ROBO1: variants seen among roughly 807,000 people sequenced by gnomAD.
ROBO1 encodes roundabout guidance receptor 1.
Under a neutral mutation model 195.9 loss-of-function variants are expected in ROBO1, and 149 were observed. That is an observed-to-expected ratio of 0.76 (90% CI 0.67 to 0.87). The LOEUF (loss-of-function observed/expected upper bound fraction) is 0.87, where lower values mean the gene tolerates loss of function less well. Ranked by LOEUF, ROBO1 falls within the 40% of genes least tolerant of loss-of-function variation. The pLI, the probability that ROBO1 is intolerant of heterozygous loss-of-function variation, is 0.00. For synonymous variants in ROBO1, 816 were observed against 733.2 expected, an observed-to-expected ratio of 1.11 and a Z score of -1.82; for missense variants, 1,933 against 2,068.3, an observed-to-expected ratio of 0.93 and a Z score of 1.27.
At chr3:79,586,129 T>C (rs1290140904) in intron 2 of ROBO1, among the ~76,000 whole-genome samples, 1 of 151,998 alleles carries the variant, frequency 6.6e-6, no homozygotes, top group South Asian at 2.1e-4. Context: ...AAGGAGATTT[T>C]TTAAAATCTG....
intron 4 of ROBO1, among the ~76,000 whole-genome samples, chr3:78,782,467 G>T (rs146995271): frequency 4.4e-4 from 67 of 152,244 alleles, no homozygotes; most frequent in African/African-American, 1.6e-3. Flanking sequence ...GAAGTGCTGG[G>T]ATTACAGGCA....
chr3:78,626,886 A>G (rs1001724007), intron 26 of ROBO1, among the ~76,000 whole-genome samples: 1 of 152,184 alleles, frequency 6.6e-6, no homozygotes, highest in African/African-American at 2.4e-5. Context: ...CTGTGACATT[A>G]TAGTTATGAG....
chr3:79,055,630 A>T (rs2078791406), intron 3 of ROBO1, among the ~76,000 whole-genome samples: 1 of 152,098 alleles, frequency 6.6e-6, no homozygotes, highest in Non-Finnish European at 1.5e-5. Flanking sequence ...GGGGGCTGAA[A>T]TTAATATTCC....
rs112061693 is a variant in ROBO1, at chr3:79,636,643, A to G, written c.-50-46682T>C. 6.6e-3 allele frequency among the ~76,000 whole-genome samples: 1,002 copies of G among 152,230 alleles called. 10 individuals are homozygous for G. The highest frequency in any genetic ancestry group is 0.023 in the African/African-American group (943 of 41,516). ...AGAGAACAAGGCTCCCCTCACGTGC[A>G]CTTTTTATCCCAACCCTGTAAAAGC... On this transcript the variant is annotated intron_variant, in intron 1 of 30. Transcript: ENST00000464233.
intron 4 of ROBO1, among the ~76,000 whole-genome samples, chr3:78,787,644 A>G (rs1052233877): frequency 9.9e-5 from 15 of 152,182 alleles, no homozygotes; most frequent in African/African-American, 3.1e-4. Flanking sequence ...TAAAAATTAC[A>G]GTGGAAAAGA....
At chr3:79,445,662 AT>A (rs375526795) in intron 2 of ROBO1, among the ~76,000 whole-genome samples, 236 of 134,048 alleles carry the variant, frequency 1.8e-3, no homozygotes, top group Middle Eastern at 7.9e-3. Context: ...AGGCCTGGCA[AT>A]TTTTTTTTTT....
At chr3:78,681,763 G>A (rs1438461567) in intron 10 of ROBO1, among the ~76,000 whole-genome samples, 7 of 152,112 alleles carry the variant, frequency 4.6e-5, no homozygotes, top group African/African-American at 1.7e-4. Context: ...TTAGTCGGGC[G>A]TGGTGGCGGG....
chr3:79,341,302 GA>G (rs148398435), intron 2 of ROBO1, among the ~76,000 whole-genome samples: 2,863 of 152,120 alleles, frequency 0.019, 95 homozygotes, highest in African/African-American at 0.065. Flanking sequence ...ATTATAAAAT[GA>G]AAAAAACTAA....
chr3:79,702,246 GCTTT>G (rs1364065102), intron 1 of ROBO1, among the ~76,000 whole-genome samples: 1 of 151,868 alleles, frequency 6.6e-6, no homozygotes, highest in Non-Finnish European at 1.5e-5. Context: ...GGAAGAAGCA[GCTTT>G]CTGAGTTGGT....
At chr3:79,609,656 A>G (rs543260037) in intron 1 of ROBO1, among the ~76,000 whole-genome samples, 1 of 152,068 alleles carries the variant, frequency 6.6e-6, no homozygotes, top group South Asian at 2.1e-4. Flanking sequence ...CATACAATGG[A>G]GTATCGTTCA....
intron 1 of ROBO1, among the ~76,000 whole-genome samples, chr3:79,687,346 T>C (rs1947150662): frequency 6.6e-6 from 1 of 152,014 alleles, no homozygotes; most frequent in Admixed American, 6.6e-5. Flanking sequence ...CCAAAAGCAA[T>C]GGCAACAAAA....
chr3:79,076,385 A>T (rs1221400381), intron 3 of ROBO1, among the ~76,000 whole-genome samples: 1 of 150,840 alleles, frequency 6.6e-6, no homozygotes, highest in Non-Finnish European at 1.5e-5. Context: ...ATGACAGAAA[A>T]AAAGAGACTT....
intron 2 of ROBO1, among the ~76,000 whole-genome samples, chr3:79,506,913 A>G (rs370543272): frequency 2.0e-5 from 3 of 151,764 alleles, no homozygotes; most frequent in Non-Finnish European, 2.9e-5. Flanking sequence ...CCAAACCCCA[A>G]TGGAAAGATT....
chr3:79,564,853 G>A (rs946922740), intron 2 of ROBO1, among the ~76,000 whole-genome samples: 5 of 151,958 alleles, frequency 3.3e-5, no homozygotes, highest in Admixed American at 3.3e-4. Flanking sequence ...ATTACAGAAA[G>A]AAGAATGTCT....
chr3:79,285,691 T>C (rs2031843347), intron 2 of ROBO1, among the ~76,000 whole-genome samples: 1 of 152,266 alleles, frequency 6.6e-6, no homozygotes, highest in East Asian at 1.9e-4. Flanking sequence ...ATACAGGAAA[T>C]TGGGTAATAT....
intron 9 of ROBO1, 106 bp downstream of exon 9, chr3:78,688,542 T>A (rs1477376834): frequency 8.2e-7 from 1 of 1,221,570 alleles, no homozygotes; most frequent in Non-Finnish European, 1.1e-6. Context: ...GCCAGTTCTC[T>A]TAATGTGACA....
At chr3:79,324,679 G>A (rs1185128925) in intron 2 of ROBO1, among the ~76,000 whole-genome samples, 1 of 152,178 alleles carries the variant, frequency 6.6e-6, no homozygotes, top group African/African-American at 2.4e-5. Flanking sequence ...CATAGCCAGT[G>A]CACAGTGAAC....
chr3:78,758,801 T>C (rs2083012081), intron 4 of ROBO1, among the ~76,000 whole-genome samples: 1 of 152,230 alleles, frequency 6.6e-6, no homozygotes, highest in African/African-American at 2.4e-5. Flanking sequence ...TCACTCTCAG[T>C]ATCAGCTGAG....
chr3:79,228,166 A>C (rs970919417), intron 2 of ROBO1, among the ~76,000 whole-genome samples: 1 of 152,170 alleles, frequency 6.6e-6, no homozygotes, highest in Non-Finnish European at 1.5e-5. Flanking sequence ...GTAATAAAGG[A>C]CAAAGAAGGA....
Sources: allele counts gnomAD v4.1 joint callset (sites outside exome capture counted in the v4.1 genomes callset), GRCh38; gene constraint gnomAD v4.1.1; transcripts MANE v1.5; gene names NCBI Gene and HGNC (gene_info 2026-07-23, HGNC 2026-07-21).